The following CDC37L1 variants were observed in gnomAD, a reference collection of about 807,000 sequenced individuals.
The protein encoded by CDC37L1 is cell division cycle 37 like 1, HSP90 cochaperone, also known as hsp90 co-chaperone Cdc37-like 1.
In CDC37L1, 32 loss-of-function variants were observed where a neutral mutation model predicts 45.9. The observed-to-expected ratio is 0.70, with a 90% CI of 0.53 to 0.94. CDC37L1 has a LOEUF of 0.94. CDC37L1 is among the 40% of genes least tolerant of loss of function. The pLI is 0.00. For missense variants in CDC37L1, 434 were observed against 405.7 expected (o/e 1.07, Z -0.60); for synonymous variants, 150 against 133.0 (o/e 1.13, Z -0.88).
In CDC37L1 at chr9:4,707,733, T is replaced by C. The variant is rs1841458382; in HGVS notation, c.*1621T>C. On this transcript the variant is annotated 3_prime_UTR_variant, in exon 7 of 7. Transcript: ENST00000381854. ...CATGACCTAGTCGTAGACATTTTTTTCTTTTTGTTCTGTTCTGAAGCAAGC... is the reference window on the plus strand; with the variant it reads ...CATGACCTAGTCGTAGACATTTTTTCCTTTTTGTTCTGTTCTGAAGCAAGC... 1 of 152,194 alleles carries C rather than the reference T, an allele frequency of 6.6e-6. No homozygotes were observed. The highest frequency in any genetic ancestry group is 6.5e-5 in the Admixed American group (1 of 15,278). The allele number at this position is 152,194 out of a possible 1,614,324, so 9.4% of individuals were successfully genotyped here.
At chr9:4,683,453 A>C (rs1279392079) in intron 1 of CDC37L1, among the ~76,000 whole-genome samples, 5 of 152,116 alleles carry the variant, frequency 3.3e-5, no homozygotes, top group Admixed American at 2.0e-4. Context: ...CTGGATGAAG[A>C]TAGGAGTTTC....
chr9:4,701,539 G>A (rs899007641), intron 5 of CDC37L1, among the ~76,000 whole-genome samples: 1 of 152,172 alleles, frequency 6.6e-6, no homozygotes, highest in Non-Finnish European at 1.5e-5. Context: ...TGACTATTTT[G>A]GATCCTGTTA....
intron 3 of CDC37L1, among the ~76,000 whole-genome samples, chr9:4,690,893 T>C (rs1350007662): frequency 6.6e-6 from 1 of 152,256 alleles, no homozygotes; most frequent in African/African-American, 2.4e-5. Context: ...GGAATAGATA[T>C]ATCTTAACAA....
At chr9:4,689,499 C>T (rs1841281853) in intron 3 of CDC37L1, among the ~76,000 whole-genome samples, 2 of 151,840 alleles carry the variant, frequency 1.3e-5, no homozygotes, top group African/African-American at 2.4e-5. Context: ...ATAAATATTA[C>T]TTTAAATTTT....
intron 5 of CDC37L1, among the ~76,000 whole-genome samples, chr9:4,701,501 GAAGA>G (rs1841395632): frequency 6.6e-6 from 1 of 152,226 alleles, no homozygotes; most frequent in South Asian, 2.1e-4. Context: ...GTAGTAGGAA[GAAGA>G]TAGAATGAAT....
chr9:4,689,567 T>G (rs975784253), intron 3 of CDC37L1, among the ~76,000 whole-genome samples: 2 of 152,100 alleles, frequency 1.3e-5, no homozygotes, highest in Non-Finnish European at 2.9e-5. Context: ...TACTTTTCAT[T>G]TTAAAGAAAG....
intron 5 of CDC37L1, 40 bp downstream of exon 5, chr9:4,697,919 T>A (rs201155602): frequency 6.1e-5 from 98 of 1,604,042 alleles, no homozygotes; most frequent in Non-Finnish European, 7.7e-5. Flanking sequence ...GAAGATTTGG[T>A]CCCAGCTGAG....
chr9:4,684,156 T>G (rs920092810), intron 1 of CDC37L1, among the ~76,000 whole-genome samples: 3 of 152,152 alleles, frequency 2.0e-5, no homozygotes, highest in African/African-American at 7.2e-5. Flanking sequence ...TGGTGGCACA[T>G]GCCTGTAGTC....
chr9:4,690,082 G>C (rs990045007), intron 3 of CDC37L1, among the ~76,000 whole-genome samples: 3 of 152,156 alleles, frequency 2.0e-5, no homozygotes, highest in Admixed American at 6.5e-5. Flanking sequence ...AACCCATCTG[G>C]CACTATGTAT....
chr9:4,693,465 TTAATAA>T (rs533322537), intron 3 of CDC37L1, among the ~76,000 whole-genome samples: 1 of 151,526 alleles, frequency 6.6e-6, no homozygotes, highest in African/African-American at 2.4e-5. Flanking sequence ...AATAAATTAA[TTAATAA>T]TAATAATAAT....
intron 2 of CDC37L1, among the ~76,000 whole-genome samples, chr9:4,687,721 C>T (rs1370409507): frequency 1.4e-5 from 2 of 146,794 alleles, no homozygotes; most frequent in African/African-American, 5.0e-5. Context: ...CAACAACAGT[C>T]TATTTCTTGT....
chr9:4,687,839 A>G (rs538833234), intron 2 of CDC37L1, among the ~76,000 whole-genome samples: 1 of 152,302 alleles, frequency 6.6e-6, no homozygotes, highest in East Asian at 1.9e-4. Flanking sequence ...AGAGTTGCAA[A>G]TATTTATAGG....
At chr9:4,684,063 A>G (rs1841222753) in intron 1 of CDC37L1, among the ~76,000 whole-genome samples, 2 of 152,170 alleles carry the variant, frequency 1.3e-5, no homozygotes, top group Non-Finnish European at 2.9e-5. Flanking sequence ...AGGTGTGTAG[A>G]TCACGAGGTC....
intron 2 of CDC37L1, among the ~76,000 whole-genome samples, chr9:4,687,514 A>G (rs1216362887): frequency 1.3e-5 from 2 of 152,000 alleles, no homozygotes; most frequent in Non-Finnish European, 2.9e-5. Flanking sequence ...CCACGTCTCT[A>G]CAAAAAATTT....
chr9:4,705,996 TTTC>T lies in CDC37L1; in HGVS notation c.913-12_913-10del, dbSNP rs1563774146. 7.4e-7 allele frequency: 1 copy of T among 1,350,014 alleles called. No individual in the cohort carries two copies. Among genetic ancestry groups the T allele is most frequent in the Admixed American group, 1.7e-5 (1 of 58,746 alleles). The allele number at this position is 1,350,014 out of a possible 1,614,324, so 83.6% of individuals were successfully genotyped here. A position where few individuals can be genotyped will look rare whatever the true frequency, so the allele number is the denominator to read the frequency against. On this transcript the variant is annotated splice_polypyrimidine_tract_variant and intron_variant, in intron 6 of 6. Transcript: ENST00000381854. The stretch of plus-strand genomic sequence containing the variant: ...TTCTTTTTCTCCCCCCAATCTACCT[TTTC>T]TTTTTCCCCAGAATCCAGATTATCT...
At chr9:4,685,442 A>G (rs1841238622) in intron 2 of CDC37L1, 1 of 273,246 alleles carries the variant, frequency 3.7e-6, no homozygotes, top group African/African-American at 2.2e-5. Flanking sequence ...CAAGAATTTG[A>G]TATAAGGATG....
rs1270084797 is a variant in CDC37L1, at chr9:4,706,868, A to T, written c.*756A>T. On this transcript the variant is annotated 3_prime_UTR_variant, in exon 7 of 7. Transcript: ENST00000381854. ...ATAACTTCAAGCTCACTCTTTCTTA[A>T]CATAGTCTGGGATCTCTCAGGGAGT... The T allele has an allele frequency of 6.6e-6, 1 of 152,184 alleles. No individual in the cohort carries two copies. The highest frequency in any genetic ancestry group is 2.1e-4 in the South Asian group (1 of 4,830). The allele number at this position is 152,184 out of a possible 1,614,324, so 9.4% of individuals were successfully genotyped here. A position where few individuals can be genotyped will look rare whatever the true frequency, so the allele number is the denominator to read the frequency against.
At chr9:4,700,892 G>C (rs1465031773) in intron 5 of CDC37L1, among the ~76,000 whole-genome samples, 2 of 152,120 alleles carry the variant, frequency 1.3e-5, no homozygotes, top group African/African-American at 2.4e-5. Context: ...CATGCAATGA[G>C]GACAGCAATT....
At position 4,692,573 on chromosome 9, in the gene CDC37L1, A is replaced by T. The variant is rs927187489; in HGVS notation, c.508+3967A>T. On this transcript the variant is annotated intron_variant, in intron 3 of 6. Transcript: ENST00000381854. The stretch of plus-strand genomic sequence containing the variant: ...GCGTGAGCCACCACTCTGAGCCTTA[A>T]TTTTGGTTTTTTAAAAAGTCATTCA... Among the ~76,000 whole-genome samples, 9 of 152,314 alleles carry T rather than the reference A, an allele frequency of 5.9e-5. No homozygotes were observed. The South Asian group carries it at 6.2e-4, about 11-fold the overall frequency.
Sources: gnomAD v4.1 joint callset for allele counts (sites outside exome capture counted in the v4.1 genomes callset) on GRCh38, gnomAD v4.1.1 for gene constraint, MANE v1.5 for transcripts, NCBI Gene and HGNC (gene_info 2026-07-23, HGNC 2026-07-21) for gene names.